IRAG1: variants seen among roughly 807,000 people sequenced by gnomAD.
The protein encoded by IRAG1 is IP3R-associated cGMP kinase substrate.
A neutral mutation model predicts 106.2 loss-of-function variants in IRAG1; 62 were observed. The ratio of observed to expected loss-of-function variants is 0.58; its 90% CI spans 0.48 to 0.72. The LOEUF (loss-of-function observed/expected upper bound fraction) is 0.72. Among genes scored for constraint, IRAG1 ranks in the 30% least tolerant of loss-of-function variants. IRAG1 has a pLI of 0.00. For missense variants in IRAG1, 1,064 were observed against 1,140.7 expected (o/e 0.93, Z 0.97); for synonymous variants, 462 against 443.9 (o/e 1.04, Z -0.51).
At chr11:10,645,895 T>C (rs985835499) in intron 2 of IRAG1, among the ~76,000 whole-genome samples, 4 of 152,330 alleles carry the variant, frequency 2.6e-5, no homozygotes, top group East Asian at 3.9e-4. Flanking sequence ...ATGTAACATA[T>C]AAAACAAGCC....
intron 2 of IRAG1, among the ~76,000 whole-genome samples, chr11:10,643,642 T>C (rs575795666): frequency 6.6e-6 from 1 of 152,196 alleles, no homozygotes; most frequent in Non-Finnish European, 1.5e-5. Context: ...CCATTTCTTC[T>C]GCCTTTTAAT....
rs564813288 is a variant in IRAG1 at position 10,588,561 on chromosome 11, G to A, written c.2240+2987C>T. ...GATGGGGCTTTCGTTATATTGCCCA[G>A]GCTGGTCTTCAACTCTTGAGCTCAA... On this transcript the variant is annotated intron_variant, in intron 18 of 20. Coordinates refer to ENST00000423302, the MANE Select transcript of IRAG1 (RefSeq NM_130385.4). 3.0e-4 allele frequency among the ~76,000 whole-genome samples: 46 copies of A among 152,332 alleles called. No homozygotes were observed. In the South Asian group the frequency reaches 9.3e-3, roughly 31 times the overall value.
rs188699043 is a variant in IRAG1 at position 10,601,550 on chromosome 11, T to C, written c.1876-491A>G. 3.3e-4 allele frequency among the ~76,000 whole-genome samples: 50 copies of C among 152,302 alleles called. 1 individual carries two copies. The highest frequency in any genetic ancestry group is 4.4e-5 in the Non-Finnish European group (3 of 68,014). On this transcript the variant is annotated intron_variant, in intron 14 of 20. Transcript: ENST00000423302. The stretch of plus-strand genomic sequence containing the variant: ...ACAAATTATGCTGGGACAATCGACA[T>C]AATAAACCAGGGCTGTCCAGAAAGC...
At chr11:10,643,702 A>T (rs895442199) in intron 2 of IRAG1, among the ~76,000 whole-genome samples, 3 of 151,998 alleles carry the variant, frequency 2.0e-5, no homozygotes, top group African/African-American at 7.3e-5. Context: ...ACCTATCACA[A>T]CACAATCAAG....
intron 18 of IRAG1, among the ~76,000 whole-genome samples, chr11:10,582,465 G>T (rs889530716): frequency 3.3e-5 from 5 of 152,108 alleles, no homozygotes; most frequent in African/African-American, 1.2e-4. Context: ...ATGGAACTTA[G>T]CAGAAGGAAA....
At chr11:10,642,344 G>T (rs1198634708) in intron 2 of IRAG1, among the ~76,000 whole-genome samples, 1 of 152,196 alleles carries the variant, frequency 6.6e-6, no homozygotes, top group Non-Finnish European at 1.5e-5. Flanking sequence ...TAACCGCCTG[G>T]GCACAGGGAT....
intron 18 of IRAG1, among the ~76,000 whole-genome samples, chr11:10,589,753 T>TC (rs1355267832): frequency 6.6e-6 from 1 of 152,178 alleles, no homozygotes; most frequent in African/African-American, 2.4e-5. Context: ...CCCCACTCTG[T>TC]CCATATCTCT....
chr11:10,617,047 C>G (rs1454193530), intron 10 of IRAG1: 2 of 985,046 alleles, frequency 2.0e-6, no homozygotes, highest in Admixed American at 6.2e-5. Context: ...TTACCTCTTT[C>G]TTCTCAGGGA....
intron 1 of IRAG1, among the ~76,000 whole-genome samples, chr11:10,667,695 C>T (rs1387014729): frequency 6.6e-6 from 1 of 152,182 alleles, no homozygotes; most frequent in African/African-American, 2.4e-5. Context: ...TCGCAGGCCT[C>T]CCTCAAGTCA....
intron 12 of IRAG1, among the ~76,000 whole-genome samples, chr11:10,606,077 T>C (rs1312797451): frequency 6.6e-6 from 1 of 152,266 alleles, no homozygotes; most frequent in Admixed American, 6.5e-5. Flanking sequence ...GTGCAATGCC[T>C]GTGTGCAAGT....
At chr11:10,596,165 GC>G (rs1591573216) in intron 15 of IRAG1, among the ~76,000 whole-genome samples, 3 of 152,186 alleles carry the variant, frequency 2.0e-5, no homozygotes, top group African/African-American at 7.2e-5. Flanking sequence ...ACATTTGTGA[GC>G]ATGTGTTTGA....
chr11:10,670,402 A>T (rs1456772820), intron 1 of IRAG1, among the ~76,000 whole-genome samples: 2 of 152,204 alleles, frequency 1.3e-5, no homozygotes, highest in African/African-American at 4.8e-5. Context: ...TTCTAGGGTC[A>T]TGCAAAACCA....
intron 1 of IRAG1, among the ~76,000 whole-genome samples, chr11:10,692,489 A>G (rs1589993424): frequency 6.6e-6 from 1 of 151,352 alleles, no homozygotes; most frequent in South Asian, 2.1e-4. Flanking sequence ...GGGATGGGCA[A>G]CTCCACCTGC....
chr11:10,630,272 T>C (rs532417466), intron 4 of IRAG1, among the ~76,000 whole-genome samples: 2 of 151,154 alleles, frequency 1.3e-5, no homozygotes, highest in East Asian at 1.9e-4. Context: ...TCTTCCTCCC[T>C]CCCCCAACAT....
intron 9 of IRAG1, among the ~76,000 whole-genome samples, chr11:10,624,886 C>A (rs1312890376): frequency 6.6e-6 from 1 of 152,132 alleles, no homozygotes; most frequent in African/African-American, 2.4e-5. Flanking sequence ...CCCATGAAGG[C>A]AAATCCCTGG....
intron 1 of IRAG1, among the ~76,000 whole-genome samples, chr11:10,692,353 T>TA (rs1862123712): frequency 6.6e-6 from 1 of 152,160 alleles, no homozygotes; most frequent in South Asian, 2.1e-4. Context: ...GCACTGGAGT[T>TA]AGAGTCATAC....
intron 15 of IRAG1, among the ~76,000 whole-genome samples, chr11:10,596,111 AGGTT>A (rs1464637197): frequency 1.3e-5 from 2 of 152,210 alleles, no homozygotes; most frequent in Non-Finnish European, 1.5e-5. Context: ...ATGAGCATTT[AGGTT>A]GATTCCATGT....
chr11:10,663,515 T>C (rs1859559126), intron 1 of IRAG1, among the ~76,000 whole-genome samples: 1 of 152,168 alleles, frequency 6.6e-6, no homozygotes, highest in South Asian at 2.1e-4. Flanking sequence ...TTAGGTACTG[T>C]GCTGGGCACT....
intron 12 of IRAG1, 148 bp downstream of exon 12, chr11:10,606,594 G>T (rs751364835): frequency 3.9e-6 from 3 of 762,518 alleles, no homozygotes; most frequent in African/African-American, 1.8e-5. Flanking sequence ...GTTCAAGAGG[G>T]CTGGTCATGA....
Sources: gnomAD v4.1 joint callset for allele counts (sites outside exome capture counted in the v4.1 genomes callset) on GRCh38, gnomAD v4.1.1 for gene constraint, MANE v1.5 for transcripts, NCBI Gene and HGNC (gene_info 2026-07-23, HGNC 2026-07-21) for gene names.